HERC1: variants seen among roughly 807,000 people sequenced by gnomAD.
HERC1 encodes the protein HECT and RLD domain containing E3 ubiquitin protein ligase family member 1.
Under a neutral mutation model 554.3 loss-of-function variants are expected in HERC1, and 160 were observed. That is an observed-to-expected ratio of 0.29 (90% CI 0.25 to 0.33). The LOEUF is 0.33. HERC1 is among the 10% of genes least tolerant of loss of function. The pLI is 1.00. For missense variants in HERC1, 4,919 were observed against 5,918.5 expected (o/e 0.83, Z 5.54); for synonymous variants, 2,175 against 2,131.7 (o/e 1.02, Z -0.56).
chr15:63,817,061 A>C (rs1411093095), intron 1 of HERC1, among the ~76,000 whole-genome samples: 3 of 152,214 alleles, frequency 2.0e-5, no homozygotes, highest in Admixed American at 2.0e-4. Context: ...CAGAGATGCA[A>C]TGAGACTAAG....
intron 39 of HERC1, among the ~76,000 whole-genome samples, chr15:63,671,110 GGAGAA>G (rs2070890993): frequency 6.6e-6 from 1 of 151,658 alleles, no homozygotes; most frequent in African/African-American, 2.4e-5. Context: ...GGCTGAGGCA[GGAGAA>G]TCGCTTGAAC....
At chr15:63,697,434 G>A (rs2072479874) in intron 26 of HERC1, among the ~76,000 whole-genome samples, 1 of 150,152 alleles carries the variant, frequency 6.7e-6, no homozygotes, top group African/African-American at 2.4e-5. Flanking sequence ...ACTTAATACA[G>A]GTGATGTTAA....
At chr15:63,634,463 G>A (rs895332493) in intron 66 of HERC1, among the ~76,000 whole-genome samples, 1 of 152,088 alleles carries the variant, frequency 6.6e-6, no homozygotes, top group Non-Finnish European at 1.5e-5. Context: ...AATAGCAAGT[G>A]GTATTAGTAT....
chr15:63,774,705 T>G lies in HERC1; in HGVS notation c.919A>C (p.Arg307=). The change falls in exon 2 of 78, where the codon AGG becomes CGG. Residue 307 remains arginine, a synonymous_variant. Transcript: ENST00000443617. ...CTTATAGTACGTACCAAAGAACGCC[T>G]CATCTGCATTAATATGGTCATAAAG... ...DCFMTILMQM[R]RSLGSSADRS... is the part of the protein sequence containing the mutation. The G allele has an allele frequency of 1.2e-6, 2 of 1,600,696 alleles. No individual in the cohort carries two copies. The highest frequency in any genetic ancestry group is 4.5e-5 in the East Asian group (2 of 44,796).
chr15:63,792,532 C>CAA (rs1445000793), intron 1 of HERC1, among the ~76,000 whole-genome samples: 1 of 152,196 alleles, frequency 6.6e-6, no homozygotes, highest in African/African-American at 2.4e-5. Context: ...CCCTTTTAAG[C>CAA]AAGAAATTAC....
chr15:63,786,727 G>C lies in HERC1; in HGVS notation c.-26-11078C>G, dbSNP rs1043276391. Among the ~76,000 whole-genome samples, 119 of 152,256 alleles carry C rather than the reference G, an allele frequency of 7.8e-4. 1 individual carries two copies. Among genetic ancestry groups the C allele is most frequent in the African/African-American group, 2.8e-3 (117 of 41,562 alleles). ...GCCAAATGCTTAGAGATAGAAAGTA[G>C]ATTAGTAGTTGCCAGAGGCTGGAGA... On this transcript the variant is annotated intron_variant, in intron 1 of 77. Transcript: ENST00000443617.
chr15:63,611,162 TG>T (rs1437484278), intron 77 of HERC1, among the ~76,000 whole-genome samples: 5 of 152,190 alleles, frequency 3.3e-5, no homozygotes, highest in African/African-American at 1.2e-4. Context: ...AAAAACAGCC[TG>T]GTCTACTGGG....
At position 63,746,879 on chromosome 15, in the gene HERC1, G is replaced by A. The variant is rs75638392; in HGVS notation, c.2520+39C>T. ...TATAGCTAAAATCTCAGAGAAAGAC[G>A]TGGTTTGAGATACAGATTCACAAGT... On this transcript the variant is annotated intron_variant, in intron 12 of 77. Coordinates refer to ENST00000443617, the MANE Select transcript of HERC1 (RefSeq NM_003922.4). 9.5e-4 allele frequency: 1,427 copies of A among 1,509,346 alleles called. 12 individuals are homozygous for A. In the African/African-American group the frequency reaches 0.017, roughly 18 times the overall value. 93.5% of individuals were successfully genotyped at this position (1,509,346 alleles called of 1,614,324 possible). A position where few individuals can be genotyped will look rare whatever the true frequency, so the allele number is the denominator to read the frequency against.
Position 63,658,809 on chromosome 15 carries a change from A to G in HERC1, c.9425-91T>C, listed in dbSNP as rs1238869743. 1.5e-5 allele frequency: 15 copies of G among 1,007,762 alleles called. No homozygotes were observed. The South Asian group carries it at 2.4e-4, about 16-fold the overall frequency. 62.4% of individuals were successfully genotyped at this position (1,007,762 alleles called of 1,614,324 possible). A position where few individuals can be genotyped will look rare whatever the true frequency, so the allele number is the denominator to read the frequency against. On this transcript the variant is annotated intron_variant, in intron 47 of 77. Coordinates refer to ENST00000443617, the MANE Select transcript of HERC1 (RefSeq NM_003922.4). ...ACATTTCCTATTCTACAGAGGTTCC[A>G]TAACAAACCAATGTCTTTTGCTCAT... is the stretch of plus-strand genomic sequence containing the variant.
chr15:63,821,866 G>A lies in HERC1; in HGVS notation c.-27+11961C>T, dbSNP rs529936786. Among the ~76,000 whole-genome samples, 4 of 152,176 alleles carry A rather than the reference G, an allele frequency of 2.6e-5. No individual in the cohort carries two copies. In the East Asian group the frequency reaches 7.7e-4, roughly 29 times the overall value. ...GCAGTGGAATAAACAACATATCCAA[G>A]GTTCCTGCTTTCATGGAGTTTACAT... is the stretch of plus-strand genomic sequence containing the variant. On this transcript the variant is annotated intron_variant, in intron 1 of 77. Transcript: ENST00000443617.
intron 70 of HERC1, among the ~76,000 whole-genome samples, chr15:63,627,582 G>A (rs2068353790): frequency 6.6e-6 from 1 of 151,920 alleles, no homozygotes; most frequent in Admixed American, 6.6e-5. Context: ...GCTGAGGCAG[G>A]AGAATCGCTT....
chr15:63,743,378 T>C (rs571177919), intron 12 of HERC1, among the ~76,000 whole-genome samples: 5 of 151,536 alleles, frequency 3.3e-5, no homozygotes, highest in African/African-American at 9.7e-5. Flanking sequence ...TCTCCTGCCT[T>C]AGCCTCCCGA....
intron 19 of HERC1, among the ~76,000 whole-genome samples, chr15:63,722,535 T>A (rs1022073060): frequency 1.3e-5 from 2 of 152,200 alleles, no homozygotes; most frequent in African/African-American, 4.8e-5. Flanking sequence ...ATTCCAGAAA[T>A]AAACAATTCA....
rs1165422661 is a variant in HERC1 at position 63,648,051 on chromosome 15, T to C, written c.10878+18A>G. The C allele has an allele frequency of 3.9e-6, 6 of 1,547,864 alleles. No individual in the cohort carries two copies. In the East Asian group the frequency reaches 1.5e-4, roughly 38 times the overall value. On this transcript the variant is annotated intron_variant, in intron 55 of 77. Coordinates refer to ENST00000443617, the MANE Select transcript of HERC1 (RefSeq NM_003922.4). Reference sequence around the variant, plus strand: ...TATTTGTATCCCATAAAATTACGTTTTTTAAAGATGCATTTACCTTATGTG... The same window carrying C: ...TATTTGTATCCCATAAAATTACGTTCTTTAAAGATGCATTTACCTTATGTG...
At position 63,635,987 on chromosome 15, in the gene HERC1, C is replaced by T. The variant is rs766264015; in HGVS notation, c.12388G>A (p.Ala4130Thr). The T allele has an allele frequency of 6.2e-7, 1 of 1,613,964 alleles. No individual in the cohort carries two copies. Among genetic ancestry groups the T allele is most frequent in the South Asian group, 1.1e-5 (1 of 91,080 alleles). ...DRQRRPRQIE[A>T]LQGEEVVQMS... ...TGCACCACTTCTTCTCCTTGTAAGG[C>T]CTCGATCTGCCTGGGCCGCCGCTGC... The change falls in exon 65 of 78, where the codon GCC becomes ACC. Residue 4130 changes from alanine to threonine, a missense_variant. Around this residue, in one of 11 missense-constraint regions of HERC1, gnomAD observed 122 missense variants for 195.2 expected, o/e 0.63. Coordinates refer to ENST00000443617, the MANE Select transcript of HERC1 (RefSeq NM_003922.4).
chr15:63,637,689 G>A (rs2068842763), intron 63 of HERC1, 46 bp from the exon 64 acceptor site: 1 of 1,440,066 alleles, frequency 6.9e-7, no homozygotes. Context: ...TTATTATATT[G>A]CTTTAACATG....
chr15:63,811,791 T>C (rs1162721962), intron 1 of HERC1, among the ~76,000 whole-genome samples: 1 of 125,304 alleles, frequency 8.0e-6, no homozygotes, highest in East Asian at 2.2e-4. Flanking sequence ...CCTGGGCGAC[T>C]CAGTGAGACT....
intron 1 of HERC1, among the ~76,000 whole-genome samples, chr15:63,789,140 G>C (rs557181141): frequency 1.6e-5 from 2 of 129,006 alleles, no homozygotes; most frequent in South Asian, 5.2e-4. Context: ...GCCCAGGCTG[G>C]AGTGCAGTGG....
At chr15:63,637,238 A>G (rs1009977629) in intron 64 of HERC1, 2 of 523,776 alleles carry the variant, frequency 3.8e-6, no homozygotes, top group Admixed American at 2.6e-5. Flanking sequence ...CACTTTTGCA[A>G]TTTTTAAGCA....
Sources: gnomAD v4.1 joint callset for allele counts (sites outside exome capture counted in the v4.1 genomes callset) on GRCh38, gnomAD v4.1.1 for gene constraint, gnomAD v4.1.1 regional missense constraint, MANE v1.5 for transcripts, NCBI Gene and HGNC (gene_info 2026-07-23, HGNC 2026-07-21) for gene names.